MEPE: variants seen among roughly 807,000 people sequenced by gnomAD.
MEPE encodes matrix, extracellular phosphoglycoprotein with ASARM motif (bone).
A neutral mutation model predicts 7.3 loss-of-function variants in MEPE; 7 were observed. The observed-to-expected ratio is 0.95, with a 90% CI of 0.54 to 1.79. The LOEUF is 1.79. MEPE is among the 40% of genes most tolerant of loss of function. The pLI is 0.00. For synonymous variants in MEPE, 214 were observed against 213.1 expected, an observed-to-expected ratio of 1.00 and a Z score of -0.04; for missense variants, 623 against 628.2, an observed-to-expected ratio of 0.99 and a Z score of 0.09.
intron 1 of MEPE, among the ~76,000 whole-genome samples, chr4:87,825,961 G>A (rs1446891925): frequency 6.6e-6 from 1 of 152,106 alleles, no homozygotes; most frequent in Non-Finnish European, 1.5e-5. Flanking sequence ...TCCTGCATTG[G>A]TTTGCTGGGG....
At chr4:87,838,130 A>G (rs1163557660) in intron 2 of MEPE, among the ~76,000 whole-genome samples, 4 of 152,166 alleles carry the variant, frequency 2.6e-5, no homozygotes, top group African/African-American at 9.7e-5. Context: ...ATGAACGGCT[A>G]TGGTTTGACT....
intron 2 of MEPE, among the ~76,000 whole-genome samples, chr4:87,838,371 G>A (rs560092388): frequency 5.1e-4 from 78 of 152,240 alleles, no homozygotes; most frequent in Middle Eastern, 3.4e-3. Flanking sequence ...CCCACTTAGC[G>A]GTTGTCTGAG....
intron 1 of MEPE, among the ~76,000 whole-genome samples, chr4:87,827,830 T>G (rs956975965): frequency 2.0e-5 from 3 of 152,210 alleles, no homozygotes; most frequent in Non-Finnish European, 4.4e-5. Flanking sequence ...ACAGCTAACT[T>G]CATGCTCTGC....
intron 3 of MEPE, among the ~76,000 whole-genome samples, chr4:87,844,175 G>A (rs1723118358): frequency 6.6e-6 from 1 of 152,116 alleles, no homozygotes; most frequent in Non-Finnish European, 1.5e-5. Context: ...CAGACCAGAT[G>A]CTCAGACACT....
chr4:87,838,398 T>G (rs768297705), intron 2 of MEPE, among the ~76,000 whole-genome samples: 1 of 152,164 alleles, frequency 6.6e-6, no homozygotes, highest in Non-Finnish European at 1.5e-5. Flanking sequence ...TCCAGTTCTG[T>G]AGTGGAGACG....
intron 1 of MEPE, among the ~76,000 whole-genome samples, chr4:87,827,586 T>C (rs1002720458): frequency 6.6e-6 from 1 of 152,158 alleles, no homozygotes; most frequent in Admixed American, 6.5e-5. Context: ...GTAAGAGATA[T>C]TTTCCTCTTG....
upstream of MEPE, among the ~76,000 whole-genome samples, chr4:87,832,686 G>A (rs1722629464): frequency 6.6e-6 from 1 of 152,120 alleles, no homozygotes; most frequent in Non-Finnish European, 1.5e-5. Context: ...AACTTGTTAG[G>A]TATTCAGTCA....
At position 87,845,569 on chromosome 4, in the gene MEPE, G is replaced by C; in HGVS notation, c.701G>C (p.Ser234Thr). ...CTCTCAAAAGTCAAAAAAATCCCCA[G>C]TGATTTTGAAGGCAGCGGTTATACA... ...KHLSKVKKIP[S>T]DFEGSGYTDL... Residue 234 changes from serine (S) to threonine (T), a missense_variant, in exon 4 of 4, where the codon AGT becomes ACT. Coordinates refer to ENST00000361056, the MANE Select transcript of MEPE (RefSeq NM_020203.6). 3.1e-6 allele frequency: 5 copies of C among 1,612,192 alleles called. No individual in the cohort carries two copies. Among genetic ancestry groups the C allele is most frequent in the Non-Finnish European group, 3.4e-6 (4 of 1,179,568 alleles).
upstream of MEPE, among the ~76,000 whole-genome samples, chr4:87,832,104 A>T (rs573365382): frequency 7.2e-5 from 11 of 151,852 alleles, no homozygotes; most frequent in South Asian, 2.1e-3. Context: ...GTGTCTTCAC[A>T]CTGCAGACAA....
chr4:87,831,064 C>G (rs1444537177), upstream of MEPE, among the ~76,000 whole-genome samples: 2 of 152,040 alleles, frequency 1.3e-5, no homozygotes, highest in African/African-American at 2.4e-5. Flanking sequence ...TTAAATAACT[C>G]TTACATAATT....
At chr4:87,829,998 G>A (rs1447459918), upstream of MEPE, among the ~76,000 whole-genome samples, 1 of 151,990 alleles carries the variant, frequency 6.6e-6, no homozygotes, top group Non-Finnish European at 1.5e-5. Flanking sequence ...TAAACAGGTG[G>A]TAGAGTCAGG....
intron 3 of MEPE, chr4:87,840,144 T>C (rs996503607): frequency 3.5e-6 from 5 of 1,429,792 alleles, no homozygotes; most frequent in South Asian, 1.4e-5. Flanking sequence ...TATGCTCTGA[T>C]GGTGGGGATC....
chr4:87,827,953 G>A (rs1243255772), upstream of MEPE, among the ~76,000 whole-genome samples: 1 of 152,192 alleles, frequency 6.6e-6, no homozygotes, highest in African/African-American at 2.4e-5. Context: ...GAGGGTAAAG[G>A]AGAAAGTTGG....
upstream of MEPE, among the ~76,000 whole-genome samples, chr4:87,832,751 A>C (rs572345228): frequency 6.6e-6 from 1 of 152,310 alleles, no homozygotes; most frequent in South Asian, 2.1e-4. Flanking sequence ...ATGATGTCCA[A>C]ACTGAGGTAT....
At chr4:87,824,874 G>T (rs1469798521) in intron 1 of MEPE, among the ~76,000 whole-genome samples, 1 of 152,112 alleles carries the variant, frequency 6.6e-6, no homozygotes, top group African/African-American at 2.4e-5. Flanking sequence ...TTGAGACAGG[G>T]TCTTGCTCTG....
chr4:87,822,853 T>C (rs892397935), intron 1 of MEPE, among the ~76,000 whole-genome samples: 1 of 152,208 alleles, frequency 6.6e-6, no homozygotes, highest in African/African-American at 2.4e-5. Flanking sequence ...CTTCACCAGC[T>C]TGCTTATCCT....
At chr4:87,836,691 C>T (rs1252373350) in intron 2 of MEPE, among the ~76,000 whole-genome samples, 1 of 152,048 alleles carries the variant, frequency 6.6e-6, no homozygotes, top group Admixed American at 6.5e-5. Flanking sequence ...AGGAACATTT[C>T]CTCTTATTAC....
intron 2 of MEPE, among the ~76,000 whole-genome samples, chr4:87,836,491 C>T (rs933014113): frequency 6.6e-6 from 1 of 152,050 alleles, no homozygotes; most frequent in South Asian, 2.1e-4. Flanking sequence ...TTAATATCTG[C>T]CCATCTCATT....
chr4:87,845,833 A>C lies in MEPE; in HGVS notation c.965A>C (p.Glu322Ala). Reference protein sequence around the residue: ...NGGNTIGTRDETAKEADAVDV... With the variant: ...NGGNTIGTRDATAKEADAVDV... ...GGAAATACCATTGGAACTAGGGATG[A>C]AACTGCGAAAGAGGCAGATGCTGTT... Residue 322 changes from glutamate to alanine, a missense_variant, in exon 4 of 4, where the codon GAA becomes GCA. Physicochemically the swap from Glu to Ala is moderately radical, Grantham distance 107. Transcript: ENST00000361056. The C allele has an allele frequency of 6.2e-7, 1 of 1,614,068 alleles. No homozygotes were observed.
Sources: gnomAD v4.1 joint callset for allele counts (sites outside exome capture counted in the v4.1 genomes callset) on GRCh38, gnomAD v4.1.1 for gene constraint, MANE v1.5 for transcripts, NCBI Gene and HGNC (gene_info 2026-07-23, HGNC 2026-07-21) for gene names.